Variants in ADCY1 observed in about 807,000 individuals in gnomAD.
ADCY1 encodes the protein adenylate cyclase type 1.
ADCY1 carries 28 observed loss-of-function variants against 105.4 expected under a neutral mutation model. That is an observed-to-expected ratio of 0.27 (90% confidence interval 0.20 to 0.36). The LOEUF is 0.36. Ranked by LOEUF, ADCY1 falls within the 10% of genes least tolerant of loss-of-function variation. ADCY1 has a pLI of 1.00. For missense variants in ADCY1, 977 were observed against 1,434.2 expected, an observed-to-expected ratio of 0.68 and a Z score of 5.15; for synonymous variants, 655 against 623.8, an observed-to-expected ratio of 1.05 and a Z score of -0.75.
At position 45,714,225 on chromosome 7, in the gene ADCY1, C is replaced by G. The variant is rs1785320139; in HGVS notation, c.*230C>G. The G allele has an allele frequency of 3.6e-6, 2 of 563,024 alleles. No homozygotes were observed. Among genetic ancestry groups the G allele is most frequent in the Non-Finnish European group, 6.3e-6 (2 of 317,374 alleles). The allele number at this position is 563,024 out of a possible 1,614,324, so 34.9% of individuals were successfully genotyped here. A position where few individuals can be genotyped will look rare whatever the true frequency, so the allele number is the denominator to read the frequency against. ...GGAGGACACCCGACTGTGCACACTTCCAGGCCTCCCTGGAGAGGTGTCCAC... is the reference window on the plus strand; with the variant it reads ...GGAGGACACCCGACTGTGCACACTTGCAGGCCTCCCTGGAGAGGTGTCCAC... On this transcript the variant is annotated 3_prime_UTR_variant, in exon 20 of 20. Coordinates refer to ENST00000297323, the MANE Select transcript of ADCY1 (RefSeq NM_021116.4).
At position 45,643,539 on chromosome 7, in the gene ADCY1, T is replaced by C. The variant is rs77962162; in HGVS notation, c.1021-5131T>C. On this transcript the variant is annotated intron_variant, in intron 4 of 19. Coordinates refer to ENST00000297323, the MANE Select transcript of ADCY1 (RefSeq NM_021116.4). ...ATATTCTACCAGACATACAGTCAAA[T>C]ATGCATTTTCTCATCGCTCGAAATA... 2.4e-3 allele frequency among the ~76,000 whole-genome samples: 361 copies of C among 152,334 alleles called. 2 individuals carry two copies. Among genetic ancestry groups the C allele is most frequent in the African/African-American group, 8.2e-3 (341 of 41,580 alleles).
rs765320747 is a variant in ADCY1, at chr7:45,686,089, G to A, written c.2201G>A (p.Cys734Tyr). 13 of 1,614,126 alleles carry A rather than the reference G, an allele frequency of 8.1e-6. No individual in the cohort carries two copies. The South Asian group carries it at 1.2e-4, about 15-fold the overall frequency. Residue 734 changes from cysteine (C) to tyrosine (Y), a missense_variant, in exon 13 of 20, where the codon TGC (cysteine) becomes TAC (tyrosine). By Grantham distance (194) the Cys-to-Tyr change is radical. Transcript: ENST00000297323. The surrounding 1 kb of genome is among the most constrained non-coding windows in gnomAD (Gnocchi z 4.3). Reference protein sequence around the residue: ...CESTHHALLCCLVGTLPLAIF... With the variant: ...CESTHHALLCYLVGTLPLAIF... ...TCTACACACCATGCCCTGCTCTGCT[G>A]CCTGGTGGGCACCCTCCCGCTAGCC... is the stretch of plus-strand genomic sequence containing the variant.
intron 10 of ADCY1, among the ~76,000 whole-genome samples, chr7:45,679,494 C>A (rs557849160): frequency 4.6e-5 from 7 of 152,270 alleles, no homozygotes; most frequent in African/African-American, 1.7e-4. Context: ...GGAGGGGCCC[C>A]CTTCTTACTC....
rs1785463365 is a variant in ADCY1, at chr7:45,721,118, G to A, written c.*7123G>A. The stretch of plus-strand genomic sequence containing the variant: ...CTCATCCACATGCTAGTGCCCAAGT[G>A]GTGGAGGGGCCACCTCAGCAGGTGG... On this transcript the variant is annotated 3_prime_UTR_variant, in exon 20 of 20. Coordinates refer to ENST00000297323, the MANE Select transcript of ADCY1 (RefSeq NM_021116.4). 6.6e-6 allele frequency: 1 copy of A among 152,244 alleles called. No homozygotes were observed. Among genetic ancestry groups the A allele is most frequent in the Non-Finnish European group, 1.5e-5 (1 of 68,058 alleles). 9.4% of individuals were successfully genotyped at this position (152,244 alleles called of 1,614,324 possible). A position where few individuals can be genotyped will look rare whatever the true frequency, so the allele number is the denominator to read the frequency against.
chr7:45,648,665 T>C lies in ADCY1; in HGVS notation c.1021-5T>C, dbSNP rs202040047. ...TCTTACCATGTGCCTTGCCCTTCCC[T>C]GAAGGAGAACCACTGTCGCCGCATC... On this transcript the variant is annotated splice_polypyrimidine_tract_variant and splice_region_variant and intron_variant, in intron 4 of 19. Transcript: ENST00000297323. 1.2e-6 allele frequency: 2 copies of C among 1,614,090 alleles called. No homozygotes were observed. Among genetic ancestry groups the C allele is most frequent in the Admixed American group, 3.3e-5 (2 of 60,028 alleles).
intron 2 of ADCY1, among the ~76,000 whole-genome samples, chr7:45,605,484 T>C (rs1253576681): frequency 6.6e-6 from 1 of 152,138 alleles, no homozygotes; most frequent in South Asian, 2.1e-4. Flanking sequence ...ATTTTTTTTC[T>C]ATTTTCATTT....
chr7:45,625,550 T>C (rs1169461548), intron 4 of ADCY1, among the ~76,000 whole-genome samples: 1 of 152,136 alleles, frequency 6.6e-6, no homozygotes, highest in Non-Finnish European at 1.5e-5. Context: ...TGAGTGAGCC[T>C]GTGTGCCTGC....
intron 14 of ADCY1, among the ~76,000 whole-genome samples, chr7:45,701,505 A>G (rs955182111): frequency 2.0e-5 from 3 of 152,214 alleles, no homozygotes; most frequent in Non-Finnish European, 4.4e-5. Context: ...AACATTAACA[A>G]TGGTATTTTG....
chr7:45,699,607 G>C (rs571445570), intron 14 of ADCY1, among the ~76,000 whole-genome samples: 1 of 152,104 alleles, frequency 6.6e-6, no homozygotes, highest in Admixed American at 6.5e-5. Context: ...CTCTGCTGGG[G>C]GACGGGAGGG....
chr7:45,714,087 C>T lies in ADCY1; in HGVS notation c.*92C>T. ...GTGGCTCCAGCCAGGACCAGCCAGA[C>T]CAGCAGAGCAGGGAGCCACTTGCCA... On this transcript the variant is annotated 3_prime_UTR_variant, in exon 20 of 20. Transcript: ENST00000297323. 1.6e-6 allele frequency: 1 copy of T among 637,552 alleles called. No individual in the cohort carries two copies. Among genetic ancestry groups the T allele is most frequent in the South Asian group, 1.8e-5 (1 of 54,796 alleles). The allele number at this position is 637,552 out of a possible 1,614,324, so 39.5% of individuals were successfully genotyped here.
At chr7:45,657,989 T>C in intron 6 of ADCY1, 104 bp downstream of exon 6, 1 of 1,296,626 alleles carries the variant, frequency 7.7e-7, no homozygotes, top group Non-Finnish European at 1.1e-6. Flanking sequence ...TGAGGGCACT[T>C]GTGTGAGTGC....
At chr7:45,657,914 G>T in intron 6 of ADCY1, 29 bp downstream of exon 6, 3 of 1,535,056 alleles carry the variant, frequency 2.0e-6, no homozygotes, top group African/African-American at 1.4e-5. Flanking sequence ...GGGGAGGGGA[G>T]GGAGGTGGGT....
intron 4 of ADCY1, among the ~76,000 whole-genome samples, chr7:45,623,184 G>C (rs1226582897): frequency 1.3e-5 from 2 of 152,238 alleles, no homozygotes; most frequent in African/African-American, 4.8e-5. Flanking sequence ...TGGGGGCCCA[G>C]TTGCTGACGT....
intron 2 of ADCY1, among the ~76,000 whole-genome samples, chr7:45,597,763 T>C (rs950201778): frequency 7.2e-5 from 11 of 152,212 alleles, no homozygotes; most frequent in African/African-American, 2.7e-4. Context: ...CCCGTCCACC[T>C]TCTCAGGGCA....
chr7:45,632,689 G>A (rs1421130171), intron 4 of ADCY1, among the ~76,000 whole-genome samples: 1 of 151,984 alleles, frequency 6.6e-6, no homozygotes, highest in African/African-American at 2.4e-5. Context: ...TCAGCCTCCT[G>A]AGTAGCTGGG....
chr7:45,708,597 C>T lies in ADCY1; in HGVS notation c.2932+133C>T. ...GGTGCCACCCAGGAGGGCATGGGGA[C>T]CTGTGTACCGAGTTGCCCCTGGAAG... On this transcript the variant is annotated intron_variant, in intron 18 of 19. Transcript: ENST00000297323. This position sits in a 1 kb window ranked among gnomAD's most constrained non-coding sequence, Gnocchi z 4.7. 1 of 661,274 alleles carries T rather than the reference C, an allele frequency of 1.5e-6. No individual in the cohort carries two copies. The highest frequency in any genetic ancestry group is 2.7e-5 in the East Asian group (1 of 36,506). 41.0% of individuals were successfully genotyped at this position (661,274 alleles called of 1,614,324 possible).
intron 2 of ADCY1, among the ~76,000 whole-genome samples, chr7:45,605,113 T>G (rs1793338555): frequency 6.6e-6 from 1 of 152,194 alleles, no homozygotes; most frequent in Non-Finnish European, 1.5e-5. Context: ...AATATCAGTG[T>G]CCATGTGTTT....
In ADCY1 at chr7:45,575,399, G is replaced by A. The variant is rs953353685; in HGVS notation, c.639+217G>A. ...TCTTCAGAGTTACAATCCACGAAGC[G>A]CCCCTGGCGTGAAGTGTGGAGAGGG... is the stretch of plus-strand genomic sequence containing the variant. On this transcript the variant is annotated intron_variant, in intron 1 of 19. Transcript: ENST00000297323. This position sits in a 1 kb window ranked among gnomAD's most constrained non-coding sequence, Gnocchi z 4.7. Among the ~76,000 whole-genome samples the A allele has an allele frequency of 1.3e-4, 20 of 152,378 alleles. No homozygotes were observed. Among genetic ancestry groups the A allele is most frequent in the African/African-American group, 4.6e-4 (19 of 41,602 alleles).
intron 1 of ADCY1, among the ~76,000 whole-genome samples, chr7:45,590,293 G>A (rs1387072209): frequency 6.6e-6 from 1 of 152,188 alleles, no homozygotes; most frequent in Non-Finnish European, 1.5e-5. Flanking sequence ...GGGGAGAAAG[G>A]AAGCTAACAT....
Sources: allele counts gnomAD v4.1 joint callset (sites outside exome capture counted in the v4.1 genomes callset), GRCh38; gene constraint gnomAD v4.1.1; non-coding constraint Gnocchi (gnomAD v3.1); transcripts MANE v1.5; gene names NCBI Gene and HGNC (gene_info 2026-07-23, HGNC 2026-07-21).